FAM221A: variants seen among roughly 807,000 people sequenced by gnomAD.
The protein encoded by FAM221A is family with sequence similarity 221 member A.
A neutral mutation model predicts 37.6 loss-of-function variants in FAM221A; 43 were observed. The ratio of observed to expected loss-of-function variants is 1.15; its 90% CI spans 0.90 to 1.48. The LOEUF is 1.48. Among genes scored for constraint, FAM221A ranks in the 40% most tolerant of loss-of-function variants. FAM221A has a pLI of 0.00. For synonymous variants in FAM221A, 135 were observed against 132.9 expected, an observed-to-expected ratio of 1.02 and a Z score of -0.11; for missense variants, 361 against 361.5, an observed-to-expected ratio of 1.00 and a Z score of 0.01.
chr7:23,687,430 A>G (rs990234402), intron 2 of FAM221A: 1 of 152,172 alleles, frequency 6.6e-6, no homozygotes, highest in African/African-American at 2.4e-5. Flanking sequence ...CTAGTAATTT[A>G]CTTACTGGTT....
At chr7:23,699,873 C>G (rs1324920298) in intron 5 of FAM221A, among the ~76,000 whole-genome samples, 1 of 152,018 alleles carries the variant, frequency 6.6e-6, no homozygotes, top group East Asian at 1.9e-4. Flanking sequence ...TGTGATATAC[C>G]ATTTTACTAG....
In FAM221A at chr7:23,698,319, A is replaced by G; in HGVS notation, c.745+20A>G. 7.4e-7 allele frequency: 1 copy of G among 1,359,422 alleles called. No individual in the cohort carries two copies. Among genetic ancestry groups the G allele is most frequent in the Non-Finnish European group, 1.0e-6 (1 of 968,730 alleles). The allele number at this position is 1,359,422 out of a possible 1,614,324, so 84.2% of individuals were successfully genotyped here. On this transcript the variant is annotated intron_variant, in intron 5 of 6. Transcript: ENST00000344962. Reference sequence around the variant, plus strand: ...CAGATGGTAATGAAATGAAGTTTAGAACTGTTTTTGGATGTAGTAAATTGG... The same window carrying G: ...CAGATGGTAATGAAATGAAGTTTAGGACTGTTTTTGGATGTAGTAAATTGG...
In FAM221A at chr7:23,702,232, A is replaced by T; in HGVS notation, c.*68A>T. 1.0e-6 allele frequency: 1 copy of T among 981,354 alleles called. No homozygotes were observed. The highest frequency in any genetic ancestry group is 2.2e-5 in the South Asian group (1 of 46,202). The allele number at this position is 981,354 out of a possible 1,614,324, so 60.8% of individuals were successfully genotyped here. A position where few individuals can be genotyped will look rare whatever the true frequency, so the allele number is the denominator to read the frequency against. Reference sequence around the variant, plus strand: ...CATGTTTATTTAAATGTAATAATACAGTTTATTTTTCCTGAAATTATTTAC... The same window carrying T: ...CATGTTTATTTAAATGTAATAATACTGTTTATTTTTCCTGAAATTATTTAC... On this transcript the variant is annotated 3_prime_UTR_variant, in exon 7 of 7. Transcript: ENST00000344962.
intron 3 of FAM221A, among the ~76,000 whole-genome samples, chr7:23,690,199 A>ATATATATAT (rs774313037): frequency 0.03 from 1,461 of 48,482 alleles, 52 homozygotes; most frequent in East Asian, 0.059. Flanking sequence ...ATATATATAT[A>ATATATATAT]TTTTTTTTTT....
chr7:23,692,781 A>G (rs762184784), intron 4 of FAM221A: 15 of 955,594 alleles, frequency 1.6e-5, no homozygotes, highest in Non-Finnish European at 1.7e-5. Flanking sequence ...TCATCAATTA[A>G]TTTTTCTCTT....
At position 23,684,617 on chromosome 7, in the gene FAM221A, A is replaced by G. The variant is rs779349956; in HGVS notation, c.184A>G (p.Thr62Ala). 4 of 1,614,016 alleles carry G rather than the reference A, an allele frequency of 2.5e-6. No individual in the cohort carries two copies. The highest frequency in any genetic ancestry group is 3.4e-6 in the Non-Finnish European group (4 of 1,180,008). The change falls in exon 2 of 7, where the codon ACA becomes GCA. Residue 62 changes from threonine to alanine, a missense_variant. Thr to Ala is a moderately conservative substitution (Grantham distance 58). Coordinates refer to ENST00000344962, the MANE Select transcript of FAM221A (RefSeq NM_199136.5). ...ATTATTTGTGAGCTGGCGGTCACCA[A>G]CAGGGATGGATTGTAAACTTGTGGG... is the stretch of plus-strand genomic sequence containing the variant. ...NRLFVSWRSP[T>A]GMDCKLVGPE... is the part of the protein sequence containing the mutation.
chr7:23,700,779 T>G lies in FAM221A; in HGVS notation c.746-7T>G, dbSNP rs1785374072. On this transcript the variant is annotated splice_polypyrimidine_tract_variant and splice_region_variant and intron_variant, in intron 5 of 6. Transcript: ENST00000344962. ...AATACATTACTTAGATTTTTTTTCC[T>G]TGTTAGTAGGTACAAGTAGTCAAGT... 1 of 1,565,416 alleles carries G rather than the reference T, an allele frequency of 6.4e-7. No homozygotes were observed. Among genetic ancestry groups the G allele is most frequent in the Admixed American group, 2.0e-5 (1 of 50,630 alleles).
At chr7:23,698,445 G>A in intron 5 of FAM221A, 146 bp downstream of exon 5, 1 of 590,458 alleles carries the variant, frequency 1.7e-6, no homozygotes, top group Non-Finnish European at 3.0e-6. Flanking sequence ...TTTTATGTAA[G>A]CCACACACTG....
intron 2 of FAM221A, chr7:23,686,291 T>G: frequency 4.6e-6 from 2 of 431,228 alleles, no homozygotes; most frequent in Admixed American, 2.6e-5. Flanking sequence ...TGAGACAGGG[T>G]CTTACTCTGT....
At chr7:23,699,219 G>A (rs1193385271) in intron 5 of FAM221A, among the ~76,000 whole-genome samples, 1 of 150,836 alleles carries the variant, frequency 6.6e-6, no homozygotes, top group Non-Finnish European at 1.5e-5. Flanking sequence ...CAGGGCTCAA[G>A]TGATCTTCCT....
chr7:23,685,568 G>A (rs1784319779), intron 2 of FAM221A, among the ~76,000 whole-genome samples: 1 of 152,168 alleles, frequency 6.6e-6, no homozygotes, highest in African/African-American at 2.4e-5. Context: ...GACCCACACT[G>A]ATCATGCTGT....
chr7:23,697,665 G>A (rs1431394225), intron 4 of FAM221A, among the ~76,000 whole-genome samples: 2 of 152,102 alleles, frequency 1.3e-5, no homozygotes, highest in Non-Finnish European at 2.9e-5. Context: ...GCTAACATAG[G>A]TACATAATAT....
intron 3 of FAM221A, among the ~76,000 whole-genome samples, chr7:23,690,365 C>T (rs865947587): frequency 3.3e-5 from 5 of 151,070 alleles, no homozygotes; most frequent in Admixed American, 2.0e-4. Context: ...CCACCACGCC[C>T]GGCTAATTTT....
At chr7:23,691,261 C>G in intron 3 of FAM221A, 129 bp from the exon 4 acceptor site, 1 of 728,690 alleles carries the variant, frequency 1.4e-6, no homozygotes, top group Non-Finnish European at 2.3e-6. Flanking sequence ...GGAAGGAGTT[C>G]GGTGGCTGGA....
Position 23,691,395 on chromosome 7 carries a change from A to G in FAM221A, c.436A>G (p.Lys146Glu). 1 of 1,614,088 alleles carries G rather than the reference A, an allele frequency of 6.2e-7. No individual in the cohort carries two copies. The highest frequency in any genetic ancestry group is 1.1e-5 in the South Asian group (1 of 91,070). Residue 146 changes from lysine (K) to glutamate (E), a missense_variant, in exon 4 of 7, where the codon AAG (lysine) becomes GAG (glutamate). Coordinates refer to ENST00000344962, the MANE Select transcript of FAM221A (RefSeq NM_199136.5). ...CCCTTTACATCTTGATTCAGGTTCCAAGTGTTCAGGATTCCATAGCTGCTT... is the reference window on the plus strand; with the variant it reads ...CCCTTTACATCTTGATTCAGGTTCCGAGTGTTCAGGATTCCATAGCTGCTT... ...APGFTCNTCSKCSGFHSCFTC... is the reference protein window; with the variant it reads ...APGFTCNTCSECSGFHSCFTC...
intron 4 of FAM221A, among the ~76,000 whole-genome samples, chr7:23,691,862 C>A (rs1437640361): frequency 6.6e-6 from 1 of 152,130 alleles, no homozygotes; most frequent in Non-Finnish European, 1.5e-5. Context: ...TGGCAGAGAT[C>A]ATTTCCATCC....
At chr7:23,690,027 AGTT>A (rs1361637759) in intron 3 of FAM221A, among the ~76,000 whole-genome samples, 1 of 151,718 alleles carries the variant, frequency 6.6e-6, no homozygotes, top group Admixed American at 6.6e-5. Context: ...TAGTCAATCC[AGTT>A]GTTGTTATAG....
At chr7:23,686,239 C>G (rs772471370) in intron 2 of FAM221A, 1 of 422,434 alleles carries the variant, frequency 2.4e-6, no homozygotes, top group Non-Finnish European at 4.6e-6. Flanking sequence ...ACAGCATGGA[C>G]TTGAACGTCA....
rs946334232 is a variant in FAM221A at position 23,680,278 on chromosome 7, C to T, written c.60C>T (p.Tyr20=). The T allele has an allele frequency of 6.5e-7, 1 of 1,547,112 alleles. No individual in the cohort carries two copies. The highest frequency in any genetic ancestry group is 2.5e-5 in the East Asian group (1 of 40,664). The change falls in exon 1 of 7, where the codon TAC becomes TAT. Residue 20 remains tyrosine, a synonymous_variant. Coordinates refer to ENST00000344962, the MANE Select transcript of FAM221A (RefSeq NM_199136.5). The part of the protein sequence containing the change: ...GAAAVDEYLE[Y]RRIVGEDDGG... ...CGGCGGTGGACGAGTACCTGGAGTA[C>T]CGGAGGTGAGGCTGTGGCTCCGGGC... is the stretch of plus-strand genomic sequence containing the variant.
Sources: allele counts gnomAD v4.1 joint callset (sites outside exome capture counted in the v4.1 genomes callset), GRCh38; gene constraint gnomAD v4.1.1; transcripts MANE v1.5; gene names NCBI Gene and HGNC (gene_info 2026-07-23, HGNC 2026-07-21).